The following SLC4A4 variants were observed in gnomAD, a reference collection of about 807,000 sequenced individuals.
SLC4A4 encodes electrogenic sodium bicarbonate cotransporter 1.
SLC4A4 carries 27 observed loss-of-function variants against 111.5 expected under a neutral mutation model. The ratio of observed to expected loss-of-function variants is 0.24; its 90% CI spans 0.18 to 0.33. SLC4A4 has a LOEUF of 0.33. Ranked by LOEUF, SLC4A4 falls within the 10% of genes least tolerant of loss-of-function variation. The pLI is 1.00. For synonymous variants in SLC4A4, 443 were observed against 463.4 expected (o/e 0.96, Z 0.57); for missense variants, 909 against 1,315.5 (o/e 0.69, Z 4.78).
At chr4:71,093,498 G>A (rs940961961) in intron 2 of SLC4A4, among the ~76,000 whole-genome samples, 1 of 151,894 alleles carries the variant, frequency 6.6e-6, no homozygotes, top group Non-Finnish European at 1.5e-5. Context: ...TTTACTTTAA[G>A]AAAAAAAGAT....
At chr4:71,337,661 A>G (rs776076059) in intron 3 of SLC4A4, among the ~76,000 whole-genome samples, 5 of 152,126 alleles carry the variant, frequency 3.3e-5, no homozygotes, top group Non-Finnish European at 7.4e-5. Context: ...AAAAATTTTC[A>G]TGTCCCACCA....
intron 7 of SLC4A4, among the ~76,000 whole-genome samples, chr4:71,418,713 C>T (rs1337162835): frequency 6.6e-6 from 1 of 152,114 alleles, no homozygotes; most frequent in Non-Finnish European, 1.5e-5. Context: ...TTTTATGACA[C>T]CAAAAGAGTC....
At chr4:71,108,453 A>G (rs1743001841) in intron 2 of SLC4A4, among the ~76,000 whole-genome samples, 1 of 152,230 alleles carries the variant, frequency 6.6e-6, no homozygotes, top group Non-Finnish European at 1.5e-5. Context: ...CTTTAAACAA[A>G]ATATATTAGC....
At chr4:71,444,536 G>A (rs1204737942) in intron 8 of SLC4A4, among the ~76,000 whole-genome samples, 1 of 152,020 alleles carries the variant, frequency 6.6e-6, no homozygotes, top group African/African-American at 2.4e-5. Flanking sequence ...ACTCTAATTT[G>A]TTAATAGAGA....
At chr4:71,567,176 C>T in intron 25 of SLC4A4, 93 bp downstream of exon 25, 1 of 964,258 alleles carries the variant, frequency 1.0e-6, no homozygotes, top group Non-Finnish European at 1.6e-6. Context: ...ACTTCTTGTT[C>T]TCCTTCGTCT....
chr4:71,294,004 A>AG (rs1182978750), intron 3 of SLC4A4, among the ~76,000 whole-genome samples: 1 of 152,210 alleles, frequency 6.6e-6, no homozygotes, highest in Non-Finnish European at 1.5e-5. Context: ...AGAAATTCTG[A>AG]GAAAAAAGTG....
intron 2 of SLC4A4, among the ~76,000 whole-genome samples, chr4:71,139,908 T>C (rs1163981423): frequency 1.3e-5 from 2 of 152,172 alleles, no homozygotes; most frequent in Non-Finnish European, 2.9e-5. Context: ...TTGTTAATCA[T>C]AGTCACCCTA....
intron 1 of SLC4A4, among the ~76,000 whole-genome samples, chr4:71,209,358 A>G (rs909444373): frequency 2.6e-5 from 4 of 152,232 alleles, no homozygotes; most frequent in African/African-American, 7.2e-5. Context: ...TGGGGGAGAC[A>G]GGGCAGACAC....
chr4:71,185,348 T>A (rs1745417178), upstream of SLC4A4, among the ~76,000 whole-genome samples: 2 of 152,222 alleles, frequency 1.3e-5, no homozygotes, highest in South Asian at 4.1e-4. Flanking sequence ...GGTTGCTGAT[T>A]CTTGCTAACT....
chr4:71,467,872 T>C (rs982156359), intron 13 of SLC4A4, among the ~76,000 whole-genome samples: 2 of 138,958 alleles, frequency 1.4e-5, no homozygotes, highest in African/African-American at 5.3e-5. Context: ...CTGCTGGCAC[T>C]CCTTGTTGGC....
At chr4:71,530,133 T>G (rs992982048) in intron 16 of SLC4A4, among the ~76,000 whole-genome samples, 7 of 152,178 alleles carry the variant, frequency 4.6e-5, no homozygotes, top group African/African-American at 1.7e-4. Context: ...TCCATGTCAT[T>G]AATGGGCTTT....
rs527399173 is a variant in SLC4A4 at position 71,409,508 on chromosome 4, G to A, written c.807+11855G>A. Among the ~76,000 whole-genome samples the A allele has an allele frequency of 4.6e-5, 7 of 152,324 alleles. No individual in the cohort carries two copies. The South Asian group carries it at 1.5e-3, about 32-fold the overall frequency. On this transcript the variant is annotated intron_variant, in intron 7 of 25. Transcript: ENST00000264485. ...TACGTGAAACTTTGAACTTGAGAGA[G>A]GTGATTTAAGGTATCTGGCAGAAGA...
intron 23 of SLC4A4, 127 bp from the exon 24 acceptor site, chr4:71,563,666 G>C: frequency 1.4e-6 from 1 of 713,598 alleles, no homozygotes; most frequent in Admixed American, 2.1e-5. Context: ...CAAACTGGAA[G>C]TAATTATAAG....
intron 16 of SLC4A4, among the ~76,000 whole-genome samples, chr4:71,528,823 A>G (rs958105044): frequency 1.3e-5 from 2 of 152,078 alleles, no homozygotes; most frequent in Non-Finnish European, 2.9e-5. Flanking sequence ...AAATCAAAAT[A>G]TCAAACAGTA....
At chr4:71,516,691 C>T (rs539138972) in intron 16 of SLC4A4, among the ~76,000 whole-genome samples, 4 of 152,208 alleles carry the variant, frequency 2.6e-5, no homozygotes, top group African/African-American at 9.6e-5. Flanking sequence ...ATTACCCTTT[C>T]CCTGCAATAT....
intron 7 of SLC4A4, among the ~76,000 whole-genome samples, chr4:71,421,794 A>C (rs1240606200): frequency 5.9e-5 from 9 of 152,198 alleles, no homozygotes; most frequent in East Asian, 5.8e-4. Context: ...CCAATGAGAA[A>C]AAAGACACAA....
chr4:71,454,358 C>A (rs1325027328), intron 12 of SLC4A4, among the ~76,000 whole-genome samples: 1 of 152,104 alleles, frequency 6.6e-6, no homozygotes, highest in East Asian at 1.9e-4. Flanking sequence ...AAAAATATGT[C>A]CCAAATTACT....
At chr4:71,292,022 ACT>A (rs1724393603) in intron 3 of SLC4A4, among the ~76,000 whole-genome samples, 1 of 151,684 alleles carries the variant, frequency 6.6e-6, no homozygotes, top group African/African-American at 2.4e-5. Context: ...ATCCAGTCAT[ACT>A]CTTTTAGTTA....
chr4:71,451,192 A>G lies in SLC4A4; in HGVS notation c.1213A>G (p.Asn405Asp). ...GGGCTCTGTTGTCTTGCTTAGAAAGAATATGTACTCAGGTGGAGAGAATGT... is the reference window on the plus strand; with the variant it reads ...GGGCTCTGTTGTCTTGCTTAGAAAGGATATGTACTCAGGTGGAGAGAATGT... ...KSLPSSDKRK[N>D]MYSGGENVQM... Residue 405 changes from asparagine to aspartate, a missense_variant, in exon 11 of 26, where the codon AAT becomes GAT. Physicochemically the swap from Asn to Asp is conservative, Grantham distance 23. Around this residue, in one of 7 missense-constraint regions of SLC4A4, gnomAD observed 312 missense variants for 402.0 expected, o/e 0.78. Transcript: ENST00000264485. 1 of 1,593,694 alleles carries G rather than the reference A, an allele frequency of 6.3e-7. No homozygotes were observed. The highest frequency in any genetic ancestry group is 1.1e-5 in the South Asian group (1 of 90,650).
Sources: gnomAD v4.1 joint callset for allele counts (sites outside exome capture counted in the v4.1 genomes callset) on GRCh38, gnomAD v4.1.1 for gene constraint, gnomAD v4.1.1 regional missense constraint, MANE v1.5 for transcripts, NCBI Gene and HGNC (gene_info 2026-07-23, HGNC 2026-07-21) for gene names.